FLVCR2: variants seen among roughly 807,000 people sequenced by gnomAD.
FLVCR2 encodes choline/ethanolamine transporter FLVCR2.
A neutral mutation model predicts 48.9 loss-of-function variants in FLVCR2; 38 were observed. The observed-to-expected ratio is 0.78, with a 90% CI of 0.60 to 1.02. The LOEUF is 1.02. Ranked by LOEUF, FLVCR2 falls within the 50% of genes least tolerant of loss-of-function variation. The pLI, the probability that FLVCR2 is intolerant of heterozygous loss-of-function variation, is 0.00. For missense variants in FLVCR2, 664 were observed against 663.3 expected (o/e 1.00, Z -0.01); for synonymous variants, 255 against 257.0 (o/e 0.99, Z 0.07).
At chr14:75,638,669 G>A (rs1890227550) in intron 5 of FLVCR2, among the ~76,000 whole-genome samples, 4 of 152,158 alleles carry the variant, frequency 2.6e-5, no homozygotes, top group Non-Finnish European at 2.9e-5. Flanking sequence ...TCTGGTGAGG[G>A]ATGGGAGAAG....
In FLVCR2 at chr14:75,646,259, T is replaced by C. The variant is rs1043374080; in HGVS notation, c.1510-142T>C. 3 of 672,792 alleles carry C rather than the reference T, an allele frequency of 4.5e-6. No homozygotes were observed. The African/African-American group carries it at 5.4e-5, about 12-fold the overall frequency. 41.7% of individuals were successfully genotyped at this position (672,792 alleles called of 1,614,324 possible). ...AGGGGCTGGTTGCTTCTTTTCTTGT[T>C]CTCTTTCTTGGCTCTCTGGGATGCT... On this transcript the variant is annotated intron_variant, in intron 9 of 9. Coordinates refer to ENST00000238667, the MANE Select transcript of FLVCR2 (RefSeq NM_017791.3).
At chr14:75,642,897 C>T (rs1260789752) in intron 9 of FLVCR2, among the ~76,000 whole-genome samples, 2 of 152,244 alleles carry the variant, frequency 1.3e-5, no homozygotes, top group East Asian at 3.9e-4. Context: ...AGTCTTGCTC[C>T]GTCACCTAGG....
chr14:75,618,750 T>C (rs540792144), intron 1 of FLVCR2, among the ~76,000 whole-genome samples: 6 of 152,362 alleles, frequency 3.9e-5, no homozygotes, highest in Admixed American at 3.9e-4. Flanking sequence ...ACTTCCGTGT[T>C]GACTAGTATC....
chr14:75,605,910 T>C (rs1889279233), intron 1 of FLVCR2: 1 of 448,068 alleles, frequency 2.2e-6, no homozygotes, highest in Admixed American at 3.4e-5. Flanking sequence ...TGGGTTGACA[T>C]GGCTGGGTCT....
chr14:75,640,405 TTGTGTGTGTGTGTG>T (rs10562124), intron 6 of FLVCR2, among the ~76,000 whole-genome samples: 11 of 148,396 alleles, frequency 7.4e-5, no homozygotes, highest in Non-Finnish European at 1.3e-4. Context: ...ATATGAGTGT[TTGTGTGTGTGTGTG>T]TGTGTGTGTG....
chr14:75,647,330 G>A lies in FLVCR2; in HGVS notation c.*858G>A, dbSNP rs1890443745. 1 of 152,160 alleles carries A rather than the reference G, an allele frequency of 6.6e-6. No homozygotes were observed. Among genetic ancestry groups the A allele is most frequent in the African/African-American group, 2.4e-5 (1 of 41,432 alleles). 9.4% of individuals were successfully genotyped at this position (152,160 alleles called of 1,614,324 possible). On this transcript the variant is annotated 3_prime_UTR_variant, in exon 10 of 10. Coordinates refer to ENST00000238667, the MANE Select transcript of FLVCR2 (RefSeq NM_017791.3). ...GATGCCTTTATCTTGATGTTGCATT[G>A]GGAATCTCAGCCATCAGCCCAAGTG...
intron 1 of FLVCR2, among the ~76,000 whole-genome samples, chr14:75,603,365 A>AG (rs1428634252): frequency 6.6e-6 from 1 of 152,210 alleles, no homozygotes; most frequent in Non-Finnish European, 1.5e-5. Context: ...AGAGAGAAGC[A>AG]GGTTTACTTT....
chr14:75,619,180 T>C (rs1889697425), intron 1 of FLVCR2, among the ~76,000 whole-genome samples: 1 of 152,030 alleles, frequency 6.6e-6, no homozygotes, highest in African/African-American at 2.4e-5. Flanking sequence ...TGAACTGAGA[T>C]CATGCCACTG....
rs1357548132 is a variant in FLVCR2 at position 75,590,844 on chromosome 14, CTT to C, written c.669+11206_669+11207del. ...GCAGAACTGGGAGCAAATTAAACCT[CTT>C]TTCTTTATCAATTACGCAGTCTCCA... is the stretch of plus-strand genomic sequence containing the variant. On this transcript the variant is annotated intron_variant, in intron 1 of 9. Transcript: ENST00000238667. Among the ~76,000 whole-genome samples, 11 of 152,328 alleles carry C rather than the reference CTT, an allele frequency of 7.2e-5. No individual in the cohort carries two copies. In the East Asian group the frequency reaches 2.1e-3, roughly 29 times the overall value.
chr14:75,578,935 C>A lies in FLVCR2; in HGVS notation c.-38C>A. 6.2e-7 allele frequency: 1 copy of A among 1,606,554 alleles called. No individual in the cohort carries two copies. Among genetic ancestry groups the A allele is most frequent in the Non-Finnish European group, 8.5e-7 (1 of 1,173,200 alleles). On this transcript the variant is annotated 5_prime_UTR_variant, in exon 1 of 10. Coordinates refer to ENST00000238667, the MANE Select transcript of FLVCR2 (RefSeq NM_017791.3). ...ACTGTCCCTTAAGACTGCCGGAGTCCTCACCACTTCTCCAGGATTCCAGAG... is the reference window on the plus strand; with the variant it reads ...ACTGTCCCTTAAGACTGCCGGAGTCATCACCACTTCTCCAGGATTCCAGAG...
At chr14:75,618,187 G>C (rs1032279216) in intron 1 of FLVCR2, among the ~76,000 whole-genome samples, 1 of 152,196 alleles carries the variant, frequency 6.6e-6, no homozygotes, top group Admixed American at 6.5e-5. Context: ...AAAATAGCTA[G>C]GAGCAGAGCT....
At chr14:75,617,955 G>A (rs1594805145) in intron 1 of FLVCR2, among the ~76,000 whole-genome samples, 1 of 152,194 alleles carries the variant, frequency 6.6e-6, no homozygotes, top group Non-Finnish European at 1.5e-5. Flanking sequence ...TCCAGGTAGA[G>A]GAGCTGGTGC....
chr14:75,603,867 GAA>G (rs2140020054), intron 1 of FLVCR2, among the ~76,000 whole-genome samples: 1 of 152,260 alleles, frequency 6.6e-6, no homozygotes, highest in African/African-American at 2.4e-5. Flanking sequence ...CCCCTGTCAT[GAA>G]GCCCACAAAG....
At position 75,585,772 on chromosome 14, in the gene FLVCR2, C is replaced by T. The variant is rs553884861; in HGVS notation, c.669+6131C>T. 1.9e-4 allele frequency among the ~76,000 whole-genome samples: 29 copies of T among 152,248 alleles called. No homozygotes were observed. The East Asian group carries it at 3.9e-3, about 20-fold the overall frequency. ...GCCTTCCCGAGTCCATGACCGGTGC[C>T]GGAGTTTTGGGTCCACGGATAAAAT... On this transcript the variant is annotated intron_variant, in intron 1 of 9. Transcript: ENST00000238667.
intron 4 of FLVCR2, among the ~76,000 whole-genome samples, chr14:75,634,026 C>T (rs1310950929): frequency 6.6e-6 from 1 of 151,656 alleles, no homozygotes; most frequent in African/African-American, 2.4e-5. Flanking sequence ...TGTATGTATA[C>T]ATAATTATAT....
At position 75,634,907 on chromosome 14, in the gene FLVCR2, C is replaced by A. The variant is rs1214698191; in HGVS notation, c.1021-3C>A. 1.2e-6 allele frequency: 2 copies of A among 1,608,106 alleles called. No individual in the cohort carries two copies. Among genetic ancestry groups the A allele is most frequent in the East Asian group, 4.5e-5 (2 of 44,876 alleles). On this transcript the variant is annotated splice_region_variant and splice_polypyrimidine_tract_variant and intron_variant, in intron 4 of 9. Coordinates refer to ENST00000238667, the MANE Select transcript of FLVCR2 (RefSeq NM_017791.3). ...GTGATCTTTGGGGTTATGGTTTCCC[C>A]AGGGGGAAGAAGTGAATGCTGGAAG...
rs11622338 is a variant in FLVCR2, at chr14:75,615,896, G to A, written c.670-6183G>A. The stretch of plus-strand genomic sequence containing the variant: ...AAAAAAATTAGCCAGATGTGGTGGC[G>A]GGAACCTGTAATCCCAGCTACTCGG... On this transcript the variant is annotated intron_variant, in intron 1 of 9. Transcript: ENST00000238667. 4.3e-3 allele frequency among the ~76,000 whole-genome samples: 647 copies of A among 151,106 alleles called. 1 individual carries two copies. Among genetic ancestry groups the A allele is most frequent in the Non-Finnish European group, 6.7e-3 (451 of 67,722 alleles).
At chr14:75,641,792 AC>A (rs1890312951) in intron 8 of FLVCR2, 50 bp from the exon 9 acceptor site, 1 of 1,490,890 alleles carries the variant, frequency 6.7e-7, no homozygotes, top group Admixed American at 1.7e-5. Flanking sequence ...TCTCGGATGA[AC>A]GTGATAACTG....
At chr14:75,601,569 T>C (rs1377865461) in intron 1 of FLVCR2, among the ~76,000 whole-genome samples, 1 of 152,172 alleles carries the variant, frequency 6.6e-6, no homozygotes, top group Non-Finnish European at 1.5e-5. Context: ...TTGGAACTCT[T>C]TTGCATTGCT....
Sources: gnomAD v4.1 joint callset for allele counts (sites outside exome capture counted in the v4.1 genomes callset) on GRCh38, gnomAD v4.1.1 for gene constraint, MANE v1.5 for transcripts, NCBI Gene and HGNC (gene_info 2026-07-23, HGNC 2026-07-21) for gene names.